ATP6V1A: variants seen among roughly 807,000 people sequenced by gnomAD.
The protein encoded by ATP6V1A is V-type proton ATPase catalytic subunit A.
ATP6V1A carries 18 observed loss-of-function variants against 70.1 expected under a neutral mutation model. The observed-to-expected ratio is 0.26, with a 90% CI of 0.18 to 0.38. ATP6V1A has a LOEUF of 0.38. ATP6V1A is among the 10% of genes least tolerant of loss of function. The pLI is 1.00. For missense variants in ATP6V1A, 424 were observed against 772.4 expected (o/e 0.55, Z 5.35); for synonymous variants, 232 against 253.8 (o/e 0.91, Z 0.82).
intron 2 of ATP6V1A, 142 bp from the exon 3 acceptor site, chr3:113,780,908 A>G (rs992425040): frequency 7.6e-7 from 1 of 1,314,214 alleles, no homozygotes; most frequent in Non-Finnish European, 1.0e-6. Context: ...AACTACCAGT[A>G]TGTTCCATAG....
At chr3:113,772,613 A>G (rs1708855900) in intron 1 of ATP6V1A, among the ~76,000 whole-genome samples, 1 of 151,804 alleles carries the variant, frequency 6.6e-6, no homozygotes, top group Non-Finnish European at 1.5e-5. Flanking sequence ...CTATAGTACC[A>G]GCTACTCGGG....
chr3:113,804,746 C>T (rs567398569), intron 13 of ATP6V1A, among the ~76,000 whole-genome samples: 36 of 152,228 alleles, frequency 2.4e-4, no homozygotes, highest in African/African-American at 7.9e-4. Flanking sequence ...TAGGAGTATC[C>T]GTGAAATTAT....
intron 1 of ATP6V1A, among the ~76,000 whole-genome samples, chr3:113,752,526 A>G (rs1225168184): frequency 6.6e-6 from 1 of 152,004 alleles, no homozygotes; most frequent in Non-Finnish European, 1.5e-5. Context: ...TGATATGGAA[A>G]ATTAAGGCAC....
chr3:113,803,373 A>T (rs1196641074), intron 12 of ATP6V1A: 15 of 531,538 alleles, frequency 2.8e-5, no homozygotes, highest in Non-Finnish European at 4.1e-5. Context: ...GTTACACTGT[A>T]TAATTAAAAG....
At chr3:113,786,609 A>G (rs1709042523) in intron 6 of ATP6V1A, among the ~76,000 whole-genome samples, 1 of 152,144 alleles carries the variant, frequency 6.6e-6, no homozygotes, top group South Asian at 2.1e-4. Context: ...ATTATTTCTG[A>G]AACTTTTCTG....
intron 1 of ATP6V1A, among the ~76,000 whole-genome samples, chr3:113,766,858 G>A (rs1433987028): frequency 1.3e-5 from 2 of 152,118 alleles, no homozygotes; most frequent in African/African-American, 4.8e-5. Flanking sequence ...AATAGCTAAA[G>A]GTGAAAACTA....
chr3:113,780,837 G>A (rs1708969679), intron 2 of ATP6V1A: 2 of 1,337,628 alleles, frequency 1.5e-6, no homozygotes, highest in African/African-American at 3.0e-5. Flanking sequence ...TGTATATTAT[G>A]TAAATAAATA....
At chr3:113,766,043 G>A (rs916104190) in intron 1 of ATP6V1A, among the ~76,000 whole-genome samples, 1 of 151,978 alleles carries the variant, frequency 6.6e-6, no homozygotes, top group African/African-American at 2.4e-5. Context: ...TCTCCCTTGT[G>A]CTTGCGTTTT....
chr3:113,756,692 A>T (rs1000876354), intron 1 of ATP6V1A, among the ~76,000 whole-genome samples: 10 of 152,232 alleles, frequency 6.6e-5, no homozygotes, highest in Admixed American at 5.9e-4. Context: ...CCTTAATGTG[A>T]TTTATACATT....
chr3:113,750,461 A>G (rs1708573476), intron 1 of ATP6V1A, among the ~76,000 whole-genome samples: 2 of 152,214 alleles, frequency 1.3e-5, no homozygotes, highest in Non-Finnish European at 2.9e-5. Context: ...CAGCCTGGGC[A>G]ACAGAGTGAG....
chr3:113,750,697 A>G (rs1708576091), intron 1 of ATP6V1A, among the ~76,000 whole-genome samples: 2 of 152,234 alleles, frequency 1.3e-5, no homozygotes, highest in African/African-American at 4.8e-5. Flanking sequence ...AAGTTAGATC[A>G]TGAATGTAAA....
At chr3:113,799,597 A>C (rs1221748081) in intron 12 of ATP6V1A, among the ~76,000 whole-genome samples, 1 of 152,192 alleles carries the variant, frequency 6.6e-6, no homozygotes, top group African/African-American at 2.4e-5. Context: ...GAAAAAAGAA[A>C]AGTTGCAAAG....
At chr3:113,787,786 T>C (rs765131592) in intron 6 of ATP6V1A, among the ~76,000 whole-genome samples, 4 of 152,262 alleles carry the variant, frequency 2.6e-5, no homozygotes, top group Non-Finnish European at 5.9e-5. Context: ...TCATTATTTT[T>C]GCACTGACCT....
intron 1 of ATP6V1A, among the ~76,000 whole-genome samples, chr3:113,774,750 T>C (rs780764016): frequency 1.3e-5 from 2 of 151,408 alleles, no homozygotes; most frequent in Non-Finnish European, 2.9e-5. Context: ...GAGGTGGAGG[T>C]TGCAGTGAGC....
intron 1 of ATP6V1A, among the ~76,000 whole-genome samples, chr3:113,766,190 C>G (rs1042670208): frequency 1.3e-5 from 2 of 152,128 alleles, no homozygotes; most frequent in African/African-American, 4.8e-5. Context: ...GCCTATAGAT[C>G]CTGTGTCTGG....
At chr3:113,802,181 A>T (rs1322015203) in intron 12 of ATP6V1A, among the ~76,000 whole-genome samples, 2 of 152,252 alleles carry the variant, frequency 1.3e-5, no homozygotes, top group South Asian at 2.1e-4. Context: ...ACTGTACTTC[A>T]TAGTTCTAAA....
chr3:113,762,184 A>T (rs1189762408), intron 1 of ATP6V1A, among the ~76,000 whole-genome samples: 2 of 140,384 alleles, frequency 1.4e-5, no homozygotes, highest in African/African-American at 2.7e-5. Flanking sequence ...TATTTTAAGC[A>T]ATTGCCTTTT....
At chr3:113,803,296 T>A in intron 12 of ATP6V1A, 1 of 243,826 alleles carries the variant, frequency 4.1e-6, no homozygotes, top group Admixed American at 5.4e-5. Flanking sequence ...TTAATGGATG[T>A]TTCAGACTTG....
At chr3:113,774,430 C>T (rs1708885656) in intron 1 of ATP6V1A, among the ~76,000 whole-genome samples, 1 of 152,170 alleles carries the variant, frequency 6.6e-6, no homozygotes, top group African/African-American at 2.4e-5. Context: ...ACAGATGAAA[C>T]TGAGGCTCAA....
Sources: allele counts gnomAD v4.1 joint callset (sites outside exome capture counted in the v4.1 genomes callset), GRCh38; gene constraint gnomAD v4.1.1; transcripts MANE v1.5; gene names NCBI Gene and HGNC (gene_info 2026-07-23, HGNC 2026-07-21).